TTBK2: variants seen among roughly 807,000 people sequenced by gnomAD.
TTBK2 encodes tau-tubulin kinase 2.
A neutral mutation model predicts 110.8 loss-of-function variants in TTBK2; 28 were observed. That is an observed-to-expected ratio of 0.25 (90% confidence interval 0.19 to 0.35). The LOEUF is 0.35. Ranked by LOEUF, TTBK2 falls within the 10% of genes least tolerant of loss-of-function variation. The pLI is 1.00. For synonymous variants in TTBK2, 532 were observed against 527.3 expected (o/e 1.01, Z -0.12); for missense variants, 1,369 against 1,500.3 (o/e 0.91, Z 1.45).
In TTBK2 at chr15:42,884,940, G is replaced by A. The variant is rs142211421; in HGVS notation, c.-67-6256C>T. On this transcript the variant is annotated intron_variant, in intron 1 of 14. Transcript: ENST00000267890. ...TAAGGTTCTTTGTAATCTCCCCCAC[G>A]CTTAAGAACATTCTTTGTAATTCTT... Among the ~76,000 whole-genome samples the A allele has an allele frequency of 4.2e-3, 634 of 150,758 alleles. 1 individual carries two copies. Among genetic ancestry groups the A allele is most frequent in the African/African-American group, 0.014 (587 of 40,916 alleles).
Position 42,745,263 on chromosome 15 carries a change from A to G in TTBK2, c.*532T>C. On this transcript the variant is annotated 3_prime_UTR_variant, in exon 15 of 15. Coordinates refer to ENST00000267890, the MANE Select transcript of TTBK2 (RefSeq NM_173500.4). Reference sequence around the variant, plus strand: ...AGGGTACTAGGAATGAGGCAAAGTAAAGGTGTTCATTCTCAATACACGAAA... The same window carrying G: ...AGGGTACTAGGAATGAGGCAAAGTAGAGGTGTTCATTCTCAATACACGAAA... The G allele has an allele frequency of 5.9e-6, 1 of 168,162 alleles. No individual in the cohort carries two copies. The highest frequency in any genetic ancestry group is 1.6e-4 in the East Asian group (1 of 6,252). 10.4% of individuals were successfully genotyped at this position (168,162 alleles called of 1,614,324 possible). A position where few individuals can be genotyped will look rare whatever the true frequency, so the allele number is the denominator to read the frequency against.
intron 1 of TTBK2, among the ~76,000 whole-genome samples, chr15:42,900,443 G>A (rs1451961002): frequency 6.6e-6 from 1 of 152,172 alleles, no homozygotes; most frequent in Non-Finnish European, 1.5e-5. Context: ...ATAGGGCTGG[G>A]CATGGTGGCT....
chr15:42,811,578 T>C, intron 8 of TTBK2, 110 bp downstream of exon 8: 4 of 806,464 alleles, frequency 5.0e-6, no homozygotes, highest in Non-Finnish European at 8.2e-6. Flanking sequence ...ATAGTGAAAA[T>C]GCTTGTAGAT....
chr15:42,810,572 G>A, intron 9 of TTBK2, 42 bp downstream of exon 9: 1 of 1,611,248 alleles, frequency 6.2e-7, no homozygotes. Context: ...CATAGACTAA[G>A]AGAGAAAATA....
intron 2 of TTBK2, among the ~76,000 whole-genome samples, chr15:42,874,823 T>A (rs964756503): frequency 9.9e-5 from 15 of 151,434 alleles, no homozygotes; most frequent in Admixed American, 1.3e-4. Flanking sequence ...CCGTCTCTAC[T>A]AAAATTATAA....
At chr15:42,801,383 T>C in intron 9 of TTBK2, 1 of 1,345,962 alleles carries the variant, frequency 7.4e-7, no homozygotes, top group Non-Finnish European at 1.1e-6. Flanking sequence ...CCTTAATGGC[T>C]AGCTCCCCAC....
At chr15:42,902,481 T>C (rs528856428) in intron 1 of TTBK2, among the ~76,000 whole-genome samples, 2 of 152,164 alleles carry the variant, frequency 1.3e-5, no homozygotes, top group Admixed American at 6.5e-5. Context: ...GATTGTGCCA[T>C]TGCACTCCAG....
chr15:42,876,659 T>G (rs1457642278), intron 2 of TTBK2, among the ~76,000 whole-genome samples: 1 of 152,188 alleles, frequency 6.6e-6, no homozygotes, highest in African/African-American at 2.4e-5. Context: ...AGGAAACCAT[T>G]AAAATAGCTT....
intron 1 of TTBK2, among the ~76,000 whole-genome samples, chr15:42,881,146 G>T (rs1385139065): frequency 2.6e-5 from 4 of 151,750 alleles, no homozygotes; most frequent in African/African-American, 7.3e-5. Flanking sequence ...GGCAAGGCGT[G>T]GTGGCAGGTG....
At chr15:42,810,370 T>C (rs1433873830) in intron 9 of TTBK2, among the ~76,000 whole-genome samples, 1 of 152,204 alleles carries the variant, frequency 6.6e-6, no homozygotes, top group Non-Finnish European at 1.5e-5. Flanking sequence ...TAGGAAAATC[T>C]GTTGCAAGAT....
At chr15:42,892,669 C>T (rs1020396147) in intron 1 of TTBK2, among the ~76,000 whole-genome samples, 17 of 137,442 alleles carry the variant, frequency 1.2e-4, no homozygotes, top group Admixed American at 2.3e-4. Flanking sequence ...TGTAAGACTG[C>T]ACTCTAGCCT....
chr15:42,790,862 G>A (rs1890639558), intron 10 of TTBK2, among the ~76,000 whole-genome samples: 1 of 151,862 alleles, frequency 6.6e-6, no homozygotes, highest in Admixed American at 6.6e-5. Flanking sequence ...ATCATGCCCA[G>A]CTAATTTTTG....
At chr15:42,883,669 G>T (rs1318729519) in intron 1 of TTBK2, among the ~76,000 whole-genome samples, 1 of 151,796 alleles carries the variant, frequency 6.6e-6, no homozygotes, top group Non-Finnish European at 1.5e-5. Flanking sequence ...TAGACAGAAA[G>T]AAACAGAAGA....
chr15:42,907,044 C>G lies in TTBK2; in HGVS notation c.-68+13394G>C, dbSNP rs2030444003. Reference sequence around the variant, plus strand: ...ATTAAAAGAAAAAAAAAAAGAAATACAAATGGCCAACAGATATATGAAAAA... The same window carrying G: ...ATTAAAAGAAAAAAAAAAAGAAATAGAAATGGCCAACAGATATATGAAAAA... On this transcript the variant is annotated intron_variant, in intron 1 of 14. Transcript: ENST00000267890. Among the ~76,000 whole-genome samples, 4 of 150,936 alleles carry G rather than the reference C, an allele frequency of 2.7e-5. No individual in the cohort carries two copies. The South Asian group carries it at 8.3e-4, about 31-fold the overall frequency.
intron 11 of TTBK2, among the ~76,000 whole-genome samples, chr15:42,781,729 T>C (rs1890187332): frequency 6.6e-6 from 1 of 152,174 alleles, no homozygotes. Context: ...TTAACTCCAA[T>C]ATTTTTAGAG....
intron 3 of TTBK2, among the ~76,000 whole-genome samples, chr15:42,861,521 A>G (rs2141082674): frequency 6.6e-6 from 1 of 152,340 alleles, no homozygotes; most frequent in South Asian, 2.1e-4. Context: ...ATTAAGGCAG[A>G]AATAAAAAAA....
At chr15:42,820,416 C>T (rs910019169) in intron 6 of TTBK2, among the ~76,000 whole-genome samples, 1 of 152,172 alleles carries the variant, frequency 6.6e-6, no homozygotes, top group African/African-American at 2.4e-5. Context: ...TTTACTGGGT[C>T]TTGAAACAAA....
At chr15:42,863,043 A>G (rs540608444) in intron 3 of TTBK2, among the ~76,000 whole-genome samples, 427 of 152,308 alleles carry the variant, frequency 2.8e-3, no homozygotes, top group Non-Finnish European at 4.3e-3. Context: ...CCTACTCAAC[A>G]TAGTATTGGA....
chr15:42,812,221 G>A (rs1891753382), intron 7 of TTBK2, among the ~76,000 whole-genome samples: 1 of 152,140 alleles, frequency 6.6e-6, no homozygotes, highest in Non-Finnish European at 1.5e-5. Flanking sequence ...GACATGAGTT[G>A]TAACTGAGAT....
Sources: gnomAD v4.1 joint callset for allele counts (sites outside exome capture counted in the v4.1 genomes callset) on GRCh38, gnomAD v4.1.1 for gene constraint, MANE v1.5 for transcripts, NCBI Gene and HGNC (gene_info 2026-07-23, HGNC 2026-07-21) for gene names.